Variants in ABRAXAS1 observed in about 807,000 individuals in gnomAD.
ABRAXAS1 encodes abraxas 1, BRCA1 A complex subunit.
In ABRAXAS1, 26 loss-of-function variants were observed where a neutral mutation model predicts 38.4. The observed-to-expected ratio is 0.68, with a 90% CI of 0.50 to 0.94. The LOEUF (loss-of-function observed/expected upper bound fraction) is 0.94, where lower values mean the gene tolerates loss of function less well. Ranked by LOEUF, ABRAXAS1 falls within the 40% of genes least tolerant of loss-of-function variation. The pLI is 0.00. For missense variants in ABRAXAS1, 438 were observed against 481.9 expected (o/e 0.91, Z 0.85); for synonymous variants, 144 against 165.5 (o/e 0.87, Z 1.00).
At chr4:83,467,634 T>C in intron 6 of ABRAXAS1, 96 bp from the exon 7 acceptor site, 1 of 678,168 alleles carries the variant, frequency 1.5e-6, no homozygotes, top group Non-Finnish European at 2.6e-6. Flanking sequence ...TAGAAGAGTC[T>C]TTTTACTGGT....
intron 2 of ABRAXAS1, chr4:83,477,544 C>T: frequency 2.1e-6 from 1 of 468,972 alleles, no homozygotes; most frequent in South Asian, 1.7e-5. Context: ...CCACTGTAAG[C>T]CATGAGATGT....
chr4:83,466,205 T>C (rs1469602256), intron 7 of ABRAXAS1, among the ~76,000 whole-genome samples: 1 of 152,184 alleles, frequency 6.6e-6, no homozygotes. Flanking sequence ...CCCCCTCTCC[T>C]TTCTCAGGGG....
chr4:83,478,809 G>T (rs1722878693), intron 2 of ABRAXAS1: 1 of 153,460 alleles, frequency 6.5e-6, no homozygotes, highest in Non-Finnish European at 1.4e-5. Context: ...ATAGACCTCG[G>T]TTCTCATTAA....
At chr4:83,468,484 T>C (rs1013475927) in intron 6 of ABRAXAS1, among the ~76,000 whole-genome samples, 1 of 152,106 alleles carries the variant, frequency 6.6e-6, no homozygotes, top group Non-Finnish European at 1.5e-5. Flanking sequence ...TTTTTGACAT[T>C]ACTTCCTTAC....
Position 83,462,255 on chromosome 4 carries a change from G to T in ABRAXAS1, c.*214C>A. Reference sequence around the variant, plus strand: ...CTTCCCCTCAACAACTTAGTGAAAGGTGAAAAAAAGGTTTGGAAATAAAAG... The same window carrying T: ...CTTCCCCTCAACAACTTAGTGAAAGTTGAAAAAAAGGTTTGGAAATAAAAG... On this transcript the variant is annotated 3_prime_UTR_variant, in exon 9 of 9. Coordinates refer to ENST00000321945, the MANE Select transcript of ABRAXAS1 (RefSeq NM_139076.3). 2.0e-6 allele frequency: 1 copy of T among 512,400 alleles called. No homozygotes were observed. The highest frequency in any genetic ancestry group is 3.4e-6 in the Non-Finnish European group (1 of 291,044). 31.7% of individuals were successfully genotyped at this position (512,400 alleles called of 1,614,324 possible).
At chr4:83,473,383 C>T (rs11731801) in intron 3 of ABRAXAS1, among the ~76,000 whole-genome samples, 54,561 of 151,884 alleles carry the variant, frequency 0.36, 11,388 homozygotes, top group East Asian at 0.67. Flanking sequence ...TAGAATGGTC[C>T]ACTTCTGAGC....
rs1247921445 is a variant in ABRAXAS1 at position 83,470,353 on chromosome 4, A to G, written c.326T>C (p.Ile109Thr). The part of the protein sequence containing the change: ...WYKFRRHSDQ[I>T]MTFRERLLHK... ...AAGCAGCCTCTCTCTAAACGTCATG[A>G]TCTGATCTGAATGACGACGGAATTT... The change falls in exon 5 of 9, where the codon ATC (isoleucine) becomes ACC (threonine). Residue 109 changes from isoleucine to threonine, a missense_variant. Physicochemically the swap from Ile to Thr is moderately conservative, Grantham distance 89. Coordinates refer to ENST00000321945, the MANE Select transcript of ABRAXAS1 (RefSeq NM_139076.3). 2 of 1,613,906 alleles carry G rather than the reference A, an allele frequency of 1.2e-6. No individual in the cohort carries two copies. Among genetic ancestry groups the G allele is most frequent in the South Asian group, 2.2e-5 (2 of 91,050 alleles).
At chr4:83,474,327 TA>T (rs1722687892) in intron 3 of ABRAXAS1, among the ~76,000 whole-genome samples, 2 of 152,162 alleles carry the variant, frequency 1.3e-5, no homozygotes, top group South Asian at 4.1e-4. Flanking sequence ...AAACTTTCTG[TA>T]AAGGCTTGTA....
At position 83,472,863 on chromosome 4, in the gene ABRAXAS1, T is replaced by C. The variant is rs72932917; in HGVS notation, c.216-575A>G. 3.0e-3 allele frequency among the ~76,000 whole-genome samples: 450 copies of C among 152,340 alleles called. 2 individuals are homozygous for C. Among genetic ancestry groups the C allele is most frequent in the African/African-American group, 0.01 (422 of 41,578 alleles). On this transcript the variant is annotated intron_variant, in intron 3 of 8. Coordinates refer to ENST00000321945, the MANE Select transcript of ABRAXAS1 (RefSeq NM_139076.3). ...ATTAAAAGATAATTCCAAGTGATTC[T>C]ACTTCCAGCTTTCTTTCCCTTCCAA...
At chr4:83,477,353 AT>A (rs1722814550) in intron 2 of ABRAXAS1, among the ~76,000 whole-genome samples, 4 of 152,064 alleles carry the variant, frequency 2.6e-5, no homozygotes, top group African/African-American at 9.7e-5. Flanking sequence ...TTAAAAAATA[AT>A]CTTGTATTGC....
intron 2 of ABRAXAS1, chr4:83,480,291 G>A: frequency 2.8e-6 from 1 of 362,494 alleles, no homozygotes; most frequent in South Asian, 2.0e-5. Context: ...AGAATCGCTT[G>A]ACCTCGAGAG....
chr4:83,478,147 C>A, intron 2 of ABRAXAS1: 1 of 770,974 alleles, frequency 1.3e-6, no homozygotes, highest in Non-Finnish European at 2.3e-6. Context: ...TGATGGAAGA[C>A]ACAACTTTAA....
In ABRAXAS1 at chr4:83,460,315, G is replaced by A. The variant is rs950075939; in HGVS notation, c.*2154C>T. The A allele has an allele frequency of 2.0e-5, 3 of 152,024 alleles. No individual in the cohort carries two copies. Among genetic ancestry groups the A allele is most frequent in the South Asian group, 4.1e-4 (2 of 4,820 alleles). 9.4% of individuals were successfully genotyped at this position (152,024 alleles called of 1,614,324 possible). On this transcript the variant is annotated 3_prime_UTR_variant, in exon 9 of 9. Coordinates refer to ENST00000321945, the MANE Select transcript of ABRAXAS1 (RefSeq NM_139076.3). ...TGGGATTACAGGCATGCACCACCACGCCTGGCTAATTTTTGTATTTTTAGA... is the reference window on the plus strand; with the variant it reads ...TGGGATTACAGGCATGCACCACCACACCTGGCTAATTTTTGTATTTTTAGA...
intron 1 of ABRAXAS1, chr4:83,484,169 A>C: frequency 1.0e-6 from 1 of 984,134 alleles, no homozygotes; most frequent in Non-Finnish European, 1.2e-6. Context: ...CGCCCGACCT[A>C]TATTAAGGCA....
intron 7 of ABRAXAS1, 153 bp from the exon 8 acceptor site, chr4:83,463,761 C>T: frequency 2.4e-6 from 1 of 424,830 alleles, no homozygotes; most frequent in Non-Finnish European, 4.1e-6. Context: ...TGGAGGATGT[C>T]AGTAACAAGC....
At chr4:83,475,016 C>T (rs1339609462) in intron 3 of ABRAXAS1, among the ~76,000 whole-genome samples, 4 of 152,152 alleles carry the variant, frequency 2.6e-5, no homozygotes, top group African/African-American at 4.8e-5. Flanking sequence ...CTTTCCACCC[C>T]GCTTTAATCC....
In ABRAXAS1 at chr4:83,460,938, AT is replaced by A. The variant is rs779054803; in HGVS notation, c.*1530del. The A allele has an allele frequency of 6.4e-7, 1 of 1,571,798 alleles. No individual in the cohort carries two copies. Among genetic ancestry groups the A allele is most frequent in the African/African-American group, 1.4e-5 (1 of 72,324 alleles). On this transcript the variant is annotated 3_prime_UTR_variant, in exon 9 of 9. Transcript: ENST00000321945. ...AAAATTGCAAACTTTAAATATTGAC[AT>A]TTTTTATGAATAAGAAAGCTTTTTA...
chr4:83,482,973 G>A (rs990526833), intron 1 of ABRAXAS1, among the ~76,000 whole-genome samples: 1 of 152,192 alleles, frequency 6.6e-6, no homozygotes, highest in Non-Finnish European at 1.5e-5. Flanking sequence ...AAATAAGAAC[G>A]AGCCAATAAT....
intron 1 of ABRAXAS1, 44 bp downstream of exon 1, chr4:83,484,942 C>G (rs532346963): frequency 1.3e-6 from 2 of 1,501,318 alleles, no homozygotes; most frequent in Admixed American, 1.9e-5. Flanking sequence ...GCGCGCAGGG[C>G]TCTTCCCAGG....
Sources: allele counts gnomAD v4.1 joint callset (sites outside exome capture counted in the v4.1 genomes callset), GRCh38; gene constraint gnomAD v4.1.1; transcripts MANE v1.5; gene names NCBI Gene and HGNC (gene_info 2026-07-23, HGNC 2026-07-21).